The following ELMO1 variants were observed in gnomAD, a reference collection of about 807,000 sequenced individuals.
The protein encoded by ELMO1 is engulfment and cell motility 1.
In ELMO1, 26 loss-of-function variants were observed where a neutral mutation model predicts 98.9. The observed-to-expected ratio is 0.26, with a 90% CI of 0.19 to 0.36. The LOEUF (loss-of-function observed/expected upper bound fraction) is 0.36, where lower values mean the gene tolerates loss of function less well. Ranked by LOEUF, ELMO1 falls within the 10% of genes least tolerant of loss-of-function variation. The probability of loss-of-function intolerance (pLI) is 1.00; values close to 1 mark genes in which losing one functional copy is unlikely to be tolerated. For synonymous variants in ELMO1, 346 were observed against 346.0 expected (o/e 1.00, Z 0.00); for missense variants, 627 against 935.2 (o/e 0.67, Z 4.30).
intron 2 of ELMO1, among the ~76,000 whole-genome samples, chr7:37,326,054 C>G (rs1208312515): frequency 2.0e-5 from 3 of 152,202 alleles, no homozygotes; most frequent in Non-Finnish European, 4.4e-5. Flanking sequence ...ACCCTATCTT[C>G]CTAATAACAG....
chr7:37,436,268 A>G (rs1229589393), intron 1 of ELMO1, among the ~76,000 whole-genome samples: 1 of 152,244 alleles, frequency 6.6e-6, no homozygotes, highest in Non-Finnish European at 1.5e-5. Flanking sequence ...CCTGATATAT[A>G]GAAAAGAGGC....
chr7:37,230,481 C>T (rs1253140751), intron 8 of ELMO1, among the ~76,000 whole-genome samples: 2 of 152,182 alleles, frequency 1.3e-5, no homozygotes, highest in Admixed American at 6.5e-5. Context: ...TGACCAAGGA[C>T]GCCCACTCAC....
At chr7:37,206,159 GTAA>G (rs1231731910) in intron 13 of ELMO1, among the ~76,000 whole-genome samples, 2 of 152,054 alleles carry the variant, frequency 1.3e-5, no homozygotes, top group African/African-American at 2.4e-5. Context: ...TCATAAGATC[GTAA>G]TAATAGCATC....
At chr7:37,122,024 C>G in intron 14 of ELMO1, among the ~76,000 whole-genome samples, 1 of 152,146 alleles carries the variant, frequency 6.6e-6, no homozygotes, top group African/African-American at 2.4e-5. Flanking sequence ...AATTTCATAT[C>G]CAGCCAAACT....
intron 2 of ELMO1, among the ~76,000 whole-genome samples, chr7:37,321,716 CAAAAAAAAAA>C: frequency 1.5e-5 from 1 of 66,088 alleles, no homozygotes; most frequent in African/African-American, 8.0e-5. Flanking sequence ...GACTCCGTCT[CAAAAAAAAAA>C]AAAAAAAAAA....
intron 1 of ELMO1, among the ~76,000 whole-genome samples, chr7:37,399,330 G>C (rs1002034574): frequency 6.6e-6 from 1 of 152,214 alleles, no homozygotes; most frequent in African/African-American, 2.4e-5. Context: ...ATCAATTTAA[G>C]TTTTAGGTTT....
At chr7:37,106,046 A>G (rs1784927986) in intron 14 of ELMO1, among the ~76,000 whole-genome samples, 1 of 152,218 alleles carries the variant, frequency 6.6e-6, no homozygotes, top group Non-Finnish European at 1.5e-5. Context: ...ATCTCGATTA[A>G]CAAAAAAGAG....
Position 37,083,751 on chromosome 7 carries a change from C to A in ELMO1, c.1300+12868G>T, listed in dbSNP as rs533983333. Reference sequence around the variant, plus strand: ...GAGAGACAGGCAGCCAGAAGACCTGCCAGCTGGAGCTGCCCCTGATAGCCT... The same window carrying A: ...GAGAGACAGGCAGCCAGAAGACCTGACAGCTGGAGCTGCCCCTGATAGCCT... On this transcript the variant is annotated intron_variant, in intron 15 of 21. Transcript: ENST00000310758. 1.7e-4 allele frequency among the ~76,000 whole-genome samples: 26 copies of A among 152,314 alleles called. No individual in the cohort carries two copies. The South Asian group carries it at 5.4e-3, about 32-fold the overall frequency.
At chr7:37,402,164 G>A (rs1181017519) in intron 1 of ELMO1, among the ~76,000 whole-genome samples, 1 of 152,152 alleles carries the variant, frequency 6.6e-6, no homozygotes, top group Non-Finnish European at 1.5e-5. Flanking sequence ...CTGTTGATGA[G>A]TGGGAAGAAG....
chr7:37,146,095 G>A (rs182337840), intron 13 of ELMO1, among the ~76,000 whole-genome samples: 26 of 152,332 alleles, frequency 1.7e-4, no homozygotes, highest in Middle Eastern at 3.4e-3. Flanking sequence ...TCAGTTCAAT[G>A]AGAAGCTCTG....
chr7:36,939,147 A>AT (rs1270358168), intron 16 of ELMO1, among the ~76,000 whole-genome samples: 4 of 151,972 alleles, frequency 2.6e-5, no homozygotes, highest in Admixed American at 2.0e-4. Context: ...ACATAACTGT[A>AT]TTTTAACACA....
chr7:37,427,609 C>T (rs989523838), intron 1 of ELMO1, among the ~76,000 whole-genome samples: 1 of 152,188 alleles, frequency 6.6e-6, no homozygotes, highest in Non-Finnish European at 1.5e-5. Flanking sequence ...AAACATTGAG[C>T]CTTTTCAAAA....
chr7:37,294,134 T>A (rs142602072), intron 4 of ELMO1, among the ~76,000 whole-genome samples: 155 of 152,366 alleles, frequency 1.0e-3, no homozygotes, highest in African/African-American at 3.6e-3. Flanking sequence ...TATGTTTACG[T>A]TGACTTCACA....
At chr7:37,417,660 TCA>T (rs34297401) in intron 1 of ELMO1, among the ~76,000 whole-genome samples, 56 of 109,380 alleles carry the variant, frequency 5.1e-4, no homozygotes, top group Admixed American at 1.3e-3. Context: ...TAAGACTCCG[TCA>T]CACACACACA....
At chr7:37,323,545 T>A (rs57812576) in intron 2 of ELMO1, among the ~76,000 whole-genome samples, 45,524 of 152,004 alleles carry the variant, frequency 0.3, 7,632 homozygotes, top group East Asian at 0.56. Context: ...TTACAAAAAT[T>A]AGCTGGGTGT....
chr7:37,000,964 C>CACACACACACA (rs3054255), intron 16 of ELMO1, among the ~76,000 whole-genome samples: 10 of 151,770 alleles, frequency 6.6e-5, no homozygotes, highest in African/African-American at 2.4e-4. Flanking sequence ...CACACACACA[C>CACACACACACA]GTTTTTTAAC....
At chr7:37,101,300 G>T (rs1784626883) in intron 14 of ELMO1, among the ~76,000 whole-genome samples, 1 of 152,174 alleles carries the variant, frequency 6.6e-6, no homozygotes. Context: ...GGAATGCAGG[G>T]TGACAATAGT....
At chr7:36,908,910 C>G (rs1181838525) in intron 16 of ELMO1, among the ~76,000 whole-genome samples, 3 of 152,140 alleles carry the variant, frequency 2.0e-5, no homozygotes, top group Non-Finnish European at 4.4e-5. Context: ...GCACAGTGCT[C>G]TAAGCTTGGA....
rs554382774 is a variant in ELMO1 at position 37,384,904 on chromosome 7, G to A, written c.-73-42141C>T. Among the ~76,000 whole-genome samples the A allele has an allele frequency of 5.9e-5, 9 of 152,296 alleles. No homozygotes were observed. In the South Asian group the frequency reaches 1.7e-3, roughly 28 times the overall value. On this transcript the variant is annotated intron_variant, in intron 1 of 21. Transcript: ENST00000310758. Reference sequence around the variant, plus strand: ...CATGAGTAAAAATGCACACGAATTCGTTTGAGCTTGTGACCATGTTCAGGT... The same window carrying A: ...CATGAGTAAAAATGCACACGAATTCATTTGAGCTTGTGACCATGTTCAGGT...
Sources: allele counts gnomAD v4.1 joint callset (sites outside exome capture counted in the v4.1 genomes callset), GRCh38; gene constraint gnomAD v4.1.1; transcripts MANE v1.5; gene names NCBI Gene and HGNC (gene_info 2026-07-23, HGNC 2026-07-21).